Variants in DNAH7 observed in about 807,000 individuals in gnomAD.
DNAH7 encodes dynein axonemal heavy chain 7.
DNAH7 carries 397 observed loss-of-function variants against 444.6 expected under a neutral mutation model. That is an observed-to-expected ratio of 0.89 (90% CI 0.82 to 0.97). The LOEUF is 0.97. Among genes scored for constraint, DNAH7 ranks in the 50% least tolerant of loss-of-function variants. The pLI is 0.00. For missense variants in DNAH7, 4,902 were observed against 4,800.8 expected (o/e 1.02, Z -0.62); for synonymous variants, 1,636 against 1,624.4 (o/e 1.01, Z -0.17).
chr2:195,840,020 A>G (rs377645893), intron 47 of DNAH7, among the ~76,000 whole-genome samples: 3 of 151,800 alleles, frequency 2.0e-5, no homozygotes, highest in East Asian at 3.8e-4. Context: ...GGAGGCCAGC[A>G]TTACTCTGAA....
At chr2:195,875,517 T>C (rs768339107) in intron 38 of DNAH7, among the ~76,000 whole-genome samples, 158 bp downstream of exon 38, 3 of 152,116 alleles carry the variant, frequency 2.0e-5, no homozygotes, top group Admixed American at 1.3e-4. Flanking sequence ...CTTTATAGAG[T>C]TGGTCATATG....
chr2:195,806,639 C>T, intron 54 of DNAH7, 101 bp downstream of exon 54: 2 of 911,958 alleles, frequency 2.2e-6, no homozygotes, highest in Non-Finnish European at 3.2e-6. Flanking sequence ...CCGCAGGCTC[C>T]TCTACCTCCC....
At chr2:195,960,142 G>T (rs1690982685) in intron 18 of DNAH7, 118 bp downstream of exon 18, 1 of 843,826 alleles carries the variant, frequency 1.2e-6, no homozygotes, top group Non-Finnish European at 1.7e-6. Flanking sequence ...ATTCTCAAAA[G>T]AAATAAAATA....
intron 57 of DNAH7, among the ~76,000 whole-genome samples, chr2:195,790,878 A>C (rs537524595): frequency 6.6e-6 from 1 of 152,334 alleles, no homozygotes; most frequent in African/African-American, 2.4e-5. Flanking sequence ...GGAGAGCAAA[A>C]GAAACTATCA....
intron 18 of DNAH7, 142 bp downstream of exon 18, chr2:195,960,118 G>T: frequency 1.4e-6 from 1 of 699,562 alleles, no homozygotes; most frequent in Non-Finnish European, 2.2e-6. Flanking sequence ...TGCTAAGTAT[G>T]AAATGCAAAA....
At chr2:195,959,795 T>C (rs1690952500) in intron 18 of DNAH7, among the ~76,000 whole-genome samples, 2 of 152,192 alleles carry the variant, frequency 1.3e-5, no homozygotes, top group Non-Finnish European at 2.9e-5. Flanking sequence ...TTACTTGCCA[T>C]CCCGCATGCA....
intron 3 of DNAH7, among the ~76,000 whole-genome samples, chr2:196,049,789 C>T (rs776633165): frequency 3.3e-5 from 5 of 152,120 alleles, no homozygotes; most frequent in Non-Finnish European, 7.4e-5. Context: ...AATTATTATG[C>T]GTCTCAGCCA....
intron 63 of DNAH7, among the ~76,000 whole-genome samples, chr2:195,750,675 C>G (rs1693743886): frequency 6.6e-6 from 1 of 152,166 alleles, no homozygotes; most frequent in Non-Finnish European, 1.5e-5. Context: ...CAGCAAGTTA[C>G]TTAACCCCCC....
At position 195,816,667 on chromosome 2, in the gene DNAH7, G is replaced by C; in HGVS notation, c.9722C>G (p.Ser3241Cys). 3.1e-6 allele frequency: 5 copies of C among 1,613,190 alleles called. No individual in the cohort carries two copies. The highest frequency in any genetic ancestry group is 4.2e-6 in the Non-Finnish European group (5 of 1,179,694). Residue 3241 changes from serine (S) to cysteine (C), a missense_variant, in exon 51 of 65, where the codon TCT (serine) becomes TGT (cysteine). By Grantham distance (112) the Ser-to-Cys change is moderately radical. Coordinates refer to ENST00000312428, the MANE Select transcript of DNAH7 (RefSeq NM_018897.3). Reference protein sequence around the residue: ...LTWFINLFILSIENSEKSEIL... With the variant: ...LTWFINLFILCIENSEKSEIL... ...TTCTGATTTCTCTGAATTTTCAATA[G>C]ACAGGATGAAAAGGTTAATAAACCA...
At chr2:195,971,773 C>T (rs1313446857) in intron 16 of DNAH7, among the ~76,000 whole-genome samples, 2 of 151,744 alleles carry the variant, frequency 1.3e-5, no homozygotes, top group Non-Finnish European at 2.9e-5. Context: ...CTGCCCCCTC[C>T]CCCCCAAGAA....
intron 21 of DNAH7, among the ~76,000 whole-genome samples, chr2:195,933,572 GA>G (rs1559240281): frequency 6.6e-6 from 1 of 152,050 alleles, no homozygotes; most frequent in Non-Finnish European, 1.5e-5. Context: ...TGCAGCCATA[GA>G]AAAGGATGAG....
At chr2:195,834,535 C>G (rs1574520585) in intron 47 of DNAH7, 175 bp from the exon 48 acceptor site, 2 of 565,944 alleles carry the variant, frequency 3.5e-6, no homozygotes, top group East Asian at 6.0e-5. Flanking sequence ...GAGTGGGCTA[C>G]CTGAACGGCA....
intron 27 of DNAH7, among the ~76,000 whole-genome samples, chr2:195,906,441 TTTTC>T (rs1308631088): frequency 2.8e-4 from 39 of 141,508 alleles, no homozygotes; most frequent in South Asian, 4.3e-4. Context: ...TTTTAAAATA[TTTTC>T]TTTCTTTCTT....
At chr2:196,052,411 T>C (rs780212010) in intron 2 of DNAH7, among the ~76,000 whole-genome samples, 15 of 152,224 alleles carry the variant, frequency 9.9e-5, no homozygotes, top group Non-Finnish European at 2.2e-4. Context: ...GAGATGTGTT[T>C]AAGTTTAAAA....
Position 196,052,728 on chromosome 2 carries a change from C to A in DNAH7, c.79-1479G>T, listed in dbSNP as rs566838953. Among the ~76,000 whole-genome samples the A allele has an allele frequency of 3.3e-4, 50 of 152,254 alleles. 1 individual carries two copies. Among genetic ancestry groups the A allele is most frequent in the Admixed American group, 5.9e-4 (9 of 15,292 alleles). On this transcript the variant is annotated intron_variant, in intron 2 of 64. Coordinates refer to ENST00000312428, the MANE Select transcript of DNAH7 (RefSeq NM_018897.3). ...GATGTGGAGCAGAGTATTCTAAGAA[C>A]GTTTCAAAAAGAAAAAGGGTGGAGC... is the stretch of plus-strand genomic sequence containing the variant.
At chr2:195,880,023 C>T (rs944303641) in intron 36 of DNAH7, among the ~76,000 whole-genome samples, 6 of 151,830 alleles carry the variant, frequency 4.0e-5, no homozygotes, top group Non-Finnish European at 8.8e-5. Context: ...TAGAATACTA[C>T]GTTTTTTCAT....
intron 54 of DNAH7, 90 bp downstream of exon 54, chr2:195,806,650 C>A: frequency 9.6e-7 from 1 of 1,042,772 alleles, no homozygotes; most frequent in Admixed American, 2.2e-5. Flanking sequence ...TCTACCTCCC[C>A]CATGATTACA....
intron 46 of DNAH7, among the ~76,000 whole-genome samples, chr2:195,847,447 G>C (rs1699076181): frequency 6.6e-6 from 1 of 151,562 alleles, no homozygotes; most frequent in Non-Finnish European, 1.5e-5. Flanking sequence ...ATGATGACAA[G>C]GCATAGACAC....
chr2:195,925,607 T>C (rs1218181997), intron 22 of DNAH7, among the ~76,000 whole-genome samples: 1 of 152,328 alleles, frequency 6.6e-6, no homozygotes, highest in South Asian at 2.1e-4. Context: ...TGTTGGTAAG[T>C]TGGAGTGAAT....
Sources: allele counts gnomAD v4.1 joint callset (sites outside exome capture counted in the v4.1 genomes callset), GRCh38; gene constraint gnomAD v4.1.1; transcripts MANE v1.5; gene names NCBI Gene and HGNC (gene_info 2026-07-23, HGNC 2026-07-21).